NEGR1: variants seen among roughly 807,000 people sequenced by gnomAD.
The protein encoded by NEGR1 is IgLON family member 4.
Under a neutral mutation model 40.9 loss-of-function variants are expected in NEGR1, and 10 were observed. The observed-to-expected ratio is 0.24, with a 90% CI of 0.15 to 0.42. The LOEUF is 0.42. Among genes scored for constraint, NEGR1 ranks in the 10% least tolerant of loss-of-function variants. The pLI is 1.00. For synonymous variants in NEGR1, 185 were observed against 166.8 expected, an observed-to-expected ratio of 1.11 and a Z score of -0.84; for missense variants, 352 against 438.9, an observed-to-expected ratio of 0.80 and a Z score of 1.77.
intron 1 of NEGR1, among the ~76,000 whole-genome samples, chr1:72,237,770 A>G (rs892635820): frequency 6.6e-6 from 1 of 151,942 alleles, no homozygotes; most frequent in Admixed American, 6.6e-5. Flanking sequence ...GCTGGGTGGT[A>G]TAGAAAAATT....
intron 1 of NEGR1, among the ~76,000 whole-genome samples, chr1:71,998,615 A>C (rs1364402760): frequency 6.6e-6 from 1 of 151,810 alleles, no homozygotes; most frequent in Admixed American, 6.6e-5. Context: ...ATTCTTACTC[A>C]TATCACAAAG....
intron 6 of NEGR1, among the ~76,000 whole-genome samples, chr1:71,528,966 T>G (rs1172269720): frequency 6.6e-6 from 1 of 151,262 alleles, no homozygotes; most frequent in Non-Finnish European, 1.5e-5. Flanking sequence ...TTTTTTGGTT[T>G]ATTTTTAGGT....
At chr1:72,271,745 T>C (rs1655851046) in intron 1 of NEGR1, among the ~76,000 whole-genome samples, 1 of 151,862 alleles carries the variant, frequency 6.6e-6, no homozygotes, top group South Asian at 2.1e-4. Flanking sequence ...AATTCCCACG[T>C]GTTGTCCCAG....
intron 1 of NEGR1, among the ~76,000 whole-genome samples, chr1:72,261,965 A>C (rs960093943): frequency 3.3e-5 from 5 of 152,042 alleles, no homozygotes; most frequent in Admixed American, 2.6e-4. Context: ...TTGCCATTAC[A>C]CAGTATCTCT....
chr1:72,227,616 A>G (rs749599377), intron 1 of NEGR1, among the ~76,000 whole-genome samples: 2 of 152,096 alleles, frequency 1.3e-5, no homozygotes, highest in Admixed American at 6.6e-5. Flanking sequence ...GGCTTTTACT[A>G]AGCTTAGACT....
chr1:71,632,164 A>T (rs1650990182), intron 4 of NEGR1, among the ~76,000 whole-genome samples: 2 of 151,760 alleles, frequency 1.3e-5, no homozygotes, highest in South Asian at 4.1e-4. Context: ...AACTGTAAAT[A>T]TGGAACCTAC....
At chr1:71,500,214 C>T (rs1646990311) in intron 6 of NEGR1, among the ~76,000 whole-genome samples, 1 of 151,928 alleles carries the variant, frequency 6.6e-6, no homozygotes, top group Admixed American at 6.6e-5. Context: ...ATATTATTGT[C>T]AATGACTGCT....
intron 1 of NEGR1, among the ~76,000 whole-genome samples, chr1:72,150,581 CT>C (rs796881237): frequency 1.1e-3 from 174 of 151,972 alleles, no homozygotes; most frequent in African/African-American, 3.7e-3. Context: ...TGAACAGTGA[CT>C]TTTTTTTATG....
chr1:72,131,475 A>G (rs931117700), intron 1 of NEGR1, among the ~76,000 whole-genome samples: 2 of 152,216 alleles, frequency 1.3e-5, no homozygotes. Context: ...AAACAAGGGC[A>G]TAATATTCTC....
intron 6 of NEGR1, among the ~76,000 whole-genome samples, chr1:71,488,500 G>A (rs996252332): frequency 2.0e-5 from 3 of 151,706 alleles, no homozygotes; most frequent in Non-Finnish European, 2.9e-5. Context: ...AGGGTTTGAG[G>A]TACTGAATAT....
chr1:71,955,980 A>G (rs1352873922), intron 1 of NEGR1, among the ~76,000 whole-genome samples: 1 of 151,778 alleles, frequency 6.6e-6, no homozygotes, highest in Non-Finnish European at 1.5e-5. Context: ...TGTTTTGAAG[A>G]CATCATTAAT....
At chr1:72,173,993 C>T (rs1328527628) in intron 1 of NEGR1, among the ~76,000 whole-genome samples, 2 of 152,030 alleles carry the variant, frequency 1.3e-5, no homozygotes, top group Non-Finnish European at 2.9e-5. Flanking sequence ...AAAGTTGTAA[C>T]TTCCTGGAAT....
intron 6 of NEGR1, among the ~76,000 whole-genome samples, chr1:71,420,912 A>G (rs1258522397): frequency 6.6e-6 from 1 of 152,064 alleles, no homozygotes; most frequent in Non-Finnish European, 1.5e-5. Context: ...GTCTAGACAC[A>G]TCTTTAATTA....
Position 71,834,887 on chromosome 1 carries a change from T to TCA in NEGR1, c.410-58592_410-58591dup, listed in dbSNP as rs10524992. Among the ~76,000 whole-genome samples the TCA allele has an allele frequency of 8.7e-3, 1,270 of 146,340 alleles. 11 individuals carry two copies. The highest frequency in any genetic ancestry group is 0.025 in the African/African-American group (981 of 39,676). On this transcript the variant is annotated intron_variant, in intron 2 of 6. Coordinates refer to ENST00000357731, the MANE Select transcript of NEGR1 (RefSeq NM_173808.3). ...ACCGTCGTTTTAAGATTTTAGGAGA[T>TCA]CACACACACACACACACACACAGCA... is the stretch of plus-strand genomic sequence containing the variant.
chr1:71,858,650 T>G (rs546486756), intron 2 of NEGR1, among the ~76,000 whole-genome samples: 1 of 152,148 alleles, frequency 6.6e-6, no homozygotes, highest in East Asian at 1.9e-4. Flanking sequence ...GGAAAACAAA[T>G]GAACAAACAA....
intron 1 of NEGR1, among the ~76,000 whole-genome samples, chr1:72,256,439 T>C (rs564096705): frequency 3.3e-5 from 5 of 152,332 alleles, no homozygotes; most frequent in East Asian, 3.9e-4. Flanking sequence ...AACAAGATTG[T>C]GCTTTTTGTT....
chr1:72,248,908 C>T (rs777692374), intron 1 of NEGR1, among the ~76,000 whole-genome samples: 1 of 152,068 alleles, frequency 6.6e-6, no homozygotes, highest in Non-Finnish European at 1.5e-5. Context: ...AGTTTAAATG[C>T]ATTATTGTAT....
chr1:71,595,444 T>A (rs1649664181), intron 5 of NEGR1, among the ~76,000 whole-genome samples: 1 of 152,236 alleles, frequency 6.6e-6, no homozygotes, highest in Admixed American at 6.5e-5. Flanking sequence ...GGTAGATGGC[T>A]GGAAGAAGGA....
intron 1 of NEGR1, among the ~76,000 whole-genome samples, chr1:71,962,185 A>C (rs1646170961): frequency 6.6e-6 from 1 of 152,088 alleles, no homozygotes; most frequent in South Asian, 2.1e-4. Context: ...CCTGAAGACA[A>C]GAGTCCAATG....
Sources: allele counts gnomAD v4.1 joint callset (sites outside exome capture counted in the v4.1 genomes callset), GRCh38; gene constraint gnomAD v4.1.1; transcripts MANE v1.5; gene names NCBI Gene and HGNC (gene_info 2026-07-23, HGNC 2026-07-21).